The following CSMD1 variants were observed in gnomAD, a reference collection of about 807,000 sequenced individuals.
CSMD1 encodes CUB and sushi domain-containing protein 1.
Under a neutral mutation model 417.5 loss-of-function variants are expected in CSMD1, and 213 were observed. The observed-to-expected ratio is 0.51, with a 90% CI of 0.46 to 0.57. The LOEUF (loss-of-function observed/expected upper bound fraction) is 0.57. Among genes scored for constraint, CSMD1 ranks in the 20% least tolerant of loss-of-function variants. CSMD1 has a pLI of 0.00. For synonymous variants in CSMD1, 2,862 were observed against 1,736.8 expected (o/e 1.65, Z -16.11); for missense variants, 6,923 against 4,529.7 (o/e 1.53, Z -15.17).
chr8:3,833,872 T>C (rs1239031727), intron 5 of CSMD1, among the ~76,000 whole-genome samples: 1 of 152,126 alleles, frequency 6.6e-6, no homozygotes, highest in Non-Finnish European at 1.5e-5. Context: ...TGATTTGAAG[T>C]GTAGTTGTAA....
intron 2 of CSMD1, among the ~76,000 whole-genome samples, chr8:4,606,797 T>C (rs2130780051): frequency 6.6e-6 from 1 of 152,316 alleles, no homozygotes; most frequent in African/African-American, 2.4e-5. Context: ...GGAGTATCAT[T>C]TCTCCCCAAA....
chr8:4,927,499 T>C (rs1806949026), intron 1 of CSMD1, among the ~76,000 whole-genome samples: 1 of 152,178 alleles, frequency 6.6e-6, no homozygotes, highest in Non-Finnish European at 1.5e-5. Flanking sequence ...AGCTTAGCTC[T>C]GCGATGCCAG....
intron 3 of CSMD1, among the ~76,000 whole-genome samples, chr8:4,098,841 A>T (rs1585310133): frequency 6.6e-6 from 1 of 152,216 alleles, no homozygotes; most frequent in African/African-American, 2.4e-5. Flanking sequence ...AGGCTATGCC[A>T]TAAATCTTGC....
intron 37 of CSMD1, among the ~76,000 whole-genome samples, chr8:3,174,081 G>C (rs1432708927): frequency 6.6e-6 from 1 of 152,152 alleles, no homozygotes; most frequent in African/African-American, 2.4e-5. Flanking sequence ...TATTTTAATG[G>C]CACATTCATA....
intron 37 of CSMD1, among the ~76,000 whole-genome samples, chr8:3,174,935 T>C (rs1054892750): frequency 7.9e-5 from 12 of 152,192 alleles, no homozygotes; most frequent in Non-Finnish European, 1.8e-4. Context: ...GAGTGAGATC[T>C]TATTTGTTCA....
intron 2 of CSMD1, among the ~76,000 whole-genome samples, chr8:4,444,201 G>A (rs967336611): frequency 6.6e-6 from 1 of 151,810 alleles, no homozygotes; most frequent in African/African-American, 2.4e-5. Flanking sequence ...AACTAGCCAG[G>A]CATGGTGGCA....
At chr8:3,803,177 A>G (rs1800550231) in intron 5 of CSMD1, among the ~76,000 whole-genome samples, 1 of 152,128 alleles carries the variant, frequency 6.6e-6, no homozygotes, top group South Asian at 2.1e-4. Flanking sequence ...AAGCAATATA[A>G]AATCATTCAT....
At chr8:3,102,035 C>G (rs929221204) in intron 46 of CSMD1, among the ~76,000 whole-genome samples, 3 of 152,062 alleles carry the variant, frequency 2.0e-5, no homozygotes, top group African/African-American at 7.2e-5. Flanking sequence ...CTCCTGACCT[C>G]AGGTGATCCT....
chr8:3,984,782 T>G (rs896712743), intron 5 of CSMD1, among the ~76,000 whole-genome samples: 5 of 145,020 alleles, frequency 3.4e-5, no homozygotes, highest in African/African-American at 5.1e-5. Context: ...TGTGTGTGTG[T>G]GTGGGTGTAA....
chr8:3,104,485 C>T (rs548839562), intron 46 of CSMD1, among the ~76,000 whole-genome samples: 8 of 152,026 alleles, frequency 5.3e-5, no homozygotes, highest in South Asian at 2.1e-4. Flanking sequence ...GCTCAGGTAG[C>T]GGTTTCCTGT....
intron 26 of CSMD1, among the ~76,000 whole-genome samples, chr8:3,249,705 A>G (rs2117023528): frequency 6.6e-6 from 1 of 152,340 alleles, no homozygotes; most frequent in Middle Eastern, 3.4e-3. Flanking sequence ...AAAAAGAAAT[A>G]ATAGACATTT....
chr8:4,756,979 G>C (rs1015700121), intron 1 of CSMD1, among the ~76,000 whole-genome samples: 3 of 152,252 alleles, frequency 2.0e-5, no homozygotes, highest in South Asian at 2.1e-4. Context: ...GGTGAGGAAA[G>C]AGTGCAGATA....
chr8:3,411,918 G>GTA (rs1563361682), intron 12 of CSMD1, among the ~76,000 whole-genome samples: 5 of 40,622 alleles, frequency 1.2e-4, no homozygotes, highest in African/African-American at 1.4e-4. Flanking sequence ...ACGTATATAT[G>GTA]CACGTATATA....
At chr8:4,099,194 TCACACACACACGCACA>T (rs1334464867) in intron 3 of CSMD1, among the ~76,000 whole-genome samples, 1 of 143,528 alleles carries the variant, frequency 7.0e-6, no homozygotes, top group Non-Finnish European at 1.5e-5. Flanking sequence ...ACATACACAC[TCACACACACACGCACA>T]CACACACACA....
At chr8:2,960,939 GATATATATATATAT>G (rs3076013) in intron 62 of CSMD1, among the ~76,000 whole-genome samples, 188 bp downstream of exon 62, 3 of 122,024 alleles carry the variant, frequency 2.5e-5, no homozygotes, top group African/African-American at 6.0e-5. Flanking sequence ...TAGTAAGCAA[GATATATATATATAT>G]ATATATATAT....
At chr8:3,966,681 G>A (rs1812694714) in intron 5 of CSMD1, among the ~76,000 whole-genome samples, 1 of 151,882 alleles carries the variant, frequency 6.6e-6, no homozygotes, top group South Asian at 2.1e-4. Context: ...CATGCTATCT[G>A]CCACCACAGC....
chr8:4,947,368 A>C (rs922385554), intron 1 of CSMD1, among the ~76,000 whole-genome samples: 3 of 152,028 alleles, frequency 2.0e-5, no homozygotes, highest in Admixed American at 2.0e-4. Flanking sequence ...TCTCAGCACT[A>C]ATTAATGGGA....
chr8:4,625,869 A>T (rs892954855), intron 2 of CSMD1, among the ~76,000 whole-genome samples: 4 of 151,986 alleles, frequency 2.6e-5, no homozygotes, highest in African/African-American at 9.7e-5. Flanking sequence ...GACTACAGGT[A>T]CACACCCCCA....
At chr8:4,813,400 T>TAAAAAAA (rs1442440232) in intron 1 of CSMD1, among the ~76,000 whole-genome samples, 7 of 152,218 alleles carry the variant, frequency 4.6e-5, no homozygotes, top group Non-Finnish European at 7.3e-5. Context: ...CTTAAAACTT[T>TAAAAAAA]AATTTTATGG....
Sources: allele counts gnomAD v4.1 joint callset (sites outside exome capture counted in the v4.1 genomes callset), GRCh38; gene constraint gnomAD v4.1.1; transcripts MANE v1.5; gene names NCBI Gene and HGNC (gene_info 2026-07-23, HGNC 2026-07-21).